Variants in TMEM273 observed in about 807,000 individuals in gnomAD.
TMEM273 encodes the protein transmembrane protein 273.
Under a neutral mutation model 17.9 loss-of-function variants are expected in TMEM273, and 19 were observed. The ratio of observed to expected loss-of-function variants is 1.06; its 90% CI spans 0.74 to 1.55. The LOEUF (loss-of-function observed/expected upper bound fraction) is 1.55, where lower values mean the gene tolerates loss of function less well. Among genes scored for constraint, TMEM273 ranks in the 40% most tolerant of loss-of-function variants. The pLI is 0.00. For synonymous variants in TMEM273, 66 were observed against 62.0 expected (o/e 1.07, Z -0.31); for missense variants, 194 against 155.6 (o/e 1.25, Z -1.31).
chr10:49,186,037 AAG>A (rs1491302253), intron 1 of TMEM273, among the ~76,000 whole-genome samples: 1 of 137,164 alleles, frequency 7.3e-6, no homozygotes, highest in Non-Finnish European at 1.6e-5. Context: ...GAAGAAGAAA[AAG>A]AAGAAGAAGA....
At chr10:49,158,716 A>AT (rs1188056909) in intron 6 of TMEM273, among the ~76,000 whole-genome samples, 2 of 152,236 alleles carry the variant, frequency 1.3e-5, no homozygotes, top group Non-Finnish European at 2.9e-5. Flanking sequence ...AGAACATTAT[A>AT]AAAGAGGCAA....
intron 6 of TMEM273, chr10:49,161,377 C>T (rs1845830504): frequency 6.6e-6 from 4 of 607,964 alleles, no homozygotes; most frequent in Non-Finnish European, 1.2e-5. Context: ...TGGGCAAATG[C>T]CCCACAGCTT....
At chr10:49,178,190 C>A in intron 1 of TMEM273, 1 of 457,394 alleles carries the variant, frequency 2.2e-6, no homozygotes, top group Non-Finnish European at 4.4e-6. Context: ...CATGTCACCT[C>A]TCATTCTCCC....
At chr10:49,183,781 G>A (rs1847498369) in intron 1 of TMEM273, among the ~76,000 whole-genome samples, 1 of 152,176 alleles carries the variant, frequency 6.6e-6, no homozygotes, top group African/African-American at 2.4e-5. Flanking sequence ...AGTGCTGAGA[G>A]CAGCCTTGGC....
chr10:49,162,609 C>T (rs1215823187), intron 5 of TMEM273, among the ~76,000 whole-genome samples: 1 of 152,202 alleles, frequency 6.6e-6, no homozygotes. Context: ...GAGAAGGTCA[C>T]TGTGCTAGAA....
intron 1 of TMEM273, among the ~76,000 whole-genome samples, chr10:49,178,894 G>A (rs1450428144): frequency 1.3e-5 from 2 of 152,168 alleles, no homozygotes; most frequent in Admixed American, 1.3e-4. Flanking sequence ...CAAAGAGAAA[G>A]CTCTGGGTGT....
rs1564615289 is a variant in TMEM273, at chr10:49,156,146, A to T, written c.373-237T>A. On this transcript the variant is annotated intron_variant, in intron 6 of 6. Transcript: ENST00000374153. Reference sequence around the variant, plus strand: ...TGCCTGCCAAACCCAAGGCAAACAAAACTTCATCCACTTTGATGACAAAAA... The same window carrying T: ...TGCCTGCCAAACCCAAGGCAAACAATACTTCATCCACTTTGATGACAAAAA... The T allele has an allele frequency of 2.6e-6, 4 of 1,529,396 alleles. 1 individual carries two copies. In the Middle Eastern group the frequency reaches 6.8e-4, roughly 260 times the overall value. The allele number at this position is 1,529,396 out of a possible 1,614,324, so 94.7% of individuals were successfully genotyped here.
chr10:49,188,223 G>A (rs375419535), intron 1 of TMEM273, 71 bp downstream of exon 1: 292 of 1,560,354 alleles, frequency 1.9e-4, no homozygotes, highest in Non-Finnish European at 2.4e-4. Context: ...AGCCCCAGTG[G>A]GCTAAGGCTC....
chr10:49,157,055 A>T (rs1242012476), intron 6 of TMEM273, among the ~76,000 whole-genome samples: 1 of 152,204 alleles, frequency 6.6e-6, no homozygotes, highest in Admixed American at 6.5e-5. Flanking sequence ...ACAAGCCCTG[A>T]ATTAAAAGGC....
At chr10:49,167,825 C>T (rs1004277570) in intron 2 of TMEM273, 84 bp downstream of exon 2, 9 of 1,549,496 alleles carry the variant, frequency 5.8e-6, no homozygotes, top group Admixed American at 3.4e-5. Context: ...CCAATTCCAG[C>T]ACTGCGGCCC....
intron 4 of TMEM273, 64 bp downstream of exon 4, chr10:49,165,702 G>A (rs369694733): frequency 1.1e-5 from 17 of 1,600,694 alleles, no homozygotes; most frequent in Non-Finnish European, 1.5e-5. Flanking sequence ...AGGCAAGGGA[G>A]TGGCACGGTC....
At chr10:49,166,083 G>A (rs1045636316) in intron 3 of TMEM273, among the ~76,000 whole-genome samples, 81 of 152,332 alleles carry the variant, frequency 5.3e-4, no homozygotes, top group African/African-American at 1.9e-3. Context: ...GCCCAGACCA[G>A]CCCCTTCTGC....
At chr10:49,179,609 T>C (rs143533194) in intron 1 of TMEM273, among the ~76,000 whole-genome samples, 45 of 152,210 alleles carry the variant, frequency 3.0e-4, no homozygotes, top group African/African-American at 9.1e-4. Flanking sequence ...AAATATTATA[T>C]TAAAAAAACA....
intron 2 of TMEM273, 119 bp downstream of exon 2, chr10:49,167,790 C>G (rs905045867): frequency 4.4e-6 from 6 of 1,351,432 alleles, no homozygotes; most frequent in Admixed American, 3.7e-5. Context: ...GAGGGTGCCC[C>G]TTTTCCTATG....
At chr10:49,178,913 C>T (rs957782330) in intron 1 of TMEM273, among the ~76,000 whole-genome samples, 1 of 152,180 alleles carries the variant, frequency 6.6e-6, no homozygotes, top group Non-Finnish European at 1.5e-5. Context: ...GTCTGTGTGT[C>T]CCAGTCCTCC....
chr10:49,176,251 A>G (rs934854800), intron 1 of TMEM273, among the ~76,000 whole-genome samples: 8 of 152,158 alleles, frequency 5.3e-5, no homozygotes, highest in Non-Finnish European at 8.8e-5. Flanking sequence ...CCATGAGTGA[A>G]ATGGGGAGCC....
chr10:49,157,387 T>G (rs1030238489), intron 6 of TMEM273, among the ~76,000 whole-genome samples: 3 of 152,184 alleles, frequency 2.0e-5, no homozygotes, highest in African/African-American at 7.2e-5. Flanking sequence ...TGCATGGTAC[T>G]CCGGGCTGGC....
At chr10:49,186,105 G>GAAGAAGAAGAAGAAGAAGAAGAAGAAA (rs1847696729) in intron 1 of TMEM273, among the ~76,000 whole-genome samples, 1 of 146,336 alleles carries the variant, frequency 6.8e-6, no homozygotes, top group African/African-American at 2.6e-5. Context: ...AGAAGAAGAA[G>GAAGAAGAAGAAGAAGAAGAAGAAGAAA]AAGAGGAAGA....
rs527972994 is a variant in TMEM273, at chr10:49,181,078, T to C, written c.43+7216A>G. On this transcript the variant is annotated intron_variant, in intron 1 of 6. Transcript: ENST00000374153. Reference sequence around the variant, plus strand: ...GTGGTGGAATACAATAAGATTAACATATGCAAATCAATGATGTCTCCATAT... The same window carrying C: ...GTGGTGGAATACAATAAGATTAACACATGCAAATCAATGATGTCTCCATAT... Among the ~76,000 whole-genome samples the C allele has an allele frequency of 4.6e-5, 7 of 152,294 alleles. No individual in the cohort carries two copies. The East Asian group carries it at 1.3e-3, about 29-fold the overall frequency.
Sources: allele counts gnomAD v4.1 joint callset (sites outside exome capture counted in the v4.1 genomes callset), GRCh38; gene constraint gnomAD v4.1.1; transcripts MANE v1.5; gene names NCBI Gene and HGNC (gene_info 2026-07-23, HGNC 2026-07-21).